GADL1: variants seen among roughly 807,000 people sequenced by gnomAD.
GADL1 encodes acidic amino acid decarboxylase GADL1.
A neutral mutation model predicts 69.5 loss-of-function variants in GADL1; 71 were observed. The ratio of observed to expected loss-of-function variants is 1.02; its 90% confidence interval spans 0.84 to 1.25. The LOEUF (loss-of-function observed/expected upper bound fraction) is 1.25, where lower values mean the gene tolerates loss of function less well. Ranked by LOEUF, GADL1 falls within the 50% of genes most tolerant of loss-of-function variation. The pLI, the probability that GADL1 is intolerant of heterozygous loss-of-function variation, is 0.00. For synonymous variants in GADL1, 254 were observed against 214.4 expected (o/e 1.18, Z -1.62); for missense variants, 737 against 631.8 (o/e 1.17, Z -1.79).
Position 30,749,222 on chromosome 3 carries a change from T to G in GADL1, c.1393-20807A>C, listed in dbSNP as rs565218779. On this transcript the variant is annotated intron_variant, in intron 14 of 14. Transcript: ENST00000282538. The stretch of plus-strand genomic sequence containing the variant: ...GATTCTATCCAGTCTTAAATGGAAA[T>G]AAATGCTGTGTTTGTATTGCTCAGC... Among the ~76,000 whole-genome samples, 5 of 151,946 alleles carry G rather than the reference T, an allele frequency of 3.3e-5. No individual in the cohort carries two copies. In the East Asian group the frequency reaches 5.8e-4, roughly 18 times the overall value.
At chr3:30,783,692 C>G (rs1407000475) in intron 13 of GADL1, among the ~76,000 whole-genome samples, 1 of 152,088 alleles carries the variant, frequency 6.6e-6, no homozygotes, top group Admixed American at 6.6e-5. Flanking sequence ...ATCCTTACAC[C>G]AGGAATTCTG....
intron 11 of GADL1, among the ~76,000 whole-genome samples, chr3:30,819,410 A>G (rs1356838185): frequency 6.6e-6 from 1 of 152,162 alleles, no homozygotes; most frequent in African/African-American, 2.4e-5. Flanking sequence ...AGTACAATAA[A>G]AAGAACCAGA....
At chr3:30,845,093 T>C (rs115803193) in intron 6 of GADL1, among the ~76,000 whole-genome samples, 67 of 152,300 alleles carry the variant, frequency 4.4e-4, no homozygotes, top group African/African-American at 1.5e-3. Flanking sequence ...TCTTGTTTAA[T>C]ACTGAACACA....
chr3:30,836,203 C>T (rs918745936), intron 9 of GADL1, among the ~76,000 whole-genome samples: 1 of 151,976 alleles, frequency 6.6e-6, no homozygotes, highest in African/African-American at 2.4e-5. Context: ...GCCTCATACC[C>T]TACACTTCTA....
intron 11 of GADL1, among the ~76,000 whole-genome samples, chr3:30,816,820 A>G (rs770209458): frequency 6.6e-6 from 1 of 152,024 alleles, no homozygotes; most frequent in Non-Finnish European, 1.5e-5. Flanking sequence ...TGCTGGGATT[A>G]TAGGCATGAG....
intron 1 of GADL1, among the ~76,000 whole-genome samples, chr3:30,890,353 G>A (rs1224343980): frequency 6.6e-6 from 1 of 152,122 alleles, no homozygotes; most frequent in African/African-American, 2.4e-5. Context: ...ATAGACAGAT[G>A]TGTTCCATAC....
chr3:30,741,943 C>T (rs77727384), intron 14 of GADL1, among the ~76,000 whole-genome samples: 1 of 152,058 alleles, frequency 6.6e-6, no homozygotes, highest in Admixed American at 6.6e-5. Context: ...CTGACTTTCC[C>T]AAGTTCAACT....
intron 1 of GADL1, among the ~76,000 whole-genome samples, chr3:30,886,422 C>G (rs1164923541): frequency 6.6e-6 from 1 of 152,088 alleles, no homozygotes; most frequent in Non-Finnish European, 1.5e-5. Context: ...AAGACCGTCC[C>G]CCATGAGTAA....
At chr3:30,856,941 T>A in intron 3 of GADL1, 74 bp downstream of exon 3, 2 of 1,275,538 alleles carry the variant, frequency 1.6e-6, no homozygotes, top group Admixed American at 2.1e-5. Flanking sequence ...ATTGCTATAC[T>A]CAGCTTTGAG....
intron 14 of GADL1, among the ~76,000 whole-genome samples, chr3:30,759,072 GT>G (rs79546906): frequency 2.0e-5 from 3 of 151,602 alleles, no homozygotes; most frequent in East Asian, 1.9e-4. Flanking sequence ...TTAAAAATCC[GT>G]TTTTTTTCCA....
intron 14 of GADL1, 133 bp from the exon 15 acceptor site, chr3:30,728,548 C>G: frequency 1.6e-6 from 1 of 633,908 alleles, no homozygotes; most frequent in African/African-American, 1.8e-5. Context: ...ACAAGGTTGA[C>G]ACTAATAATA....
At chr3:30,732,390 G>A (rs1695471841) in intron 14 of GADL1, among the ~76,000 whole-genome samples, 1 of 152,108 alleles carries the variant, frequency 6.6e-6, no homozygotes, top group Non-Finnish European at 1.5e-5. Flanking sequence ...ACTGGTCCCT[G>A]CATCTTAAGT....
At chr3:30,765,206 C>A in intron 14 of GADL1, among the ~76,000 whole-genome samples, 1 of 152,126 alleles carries the variant, frequency 6.6e-6, no homozygotes, top group East Asian at 1.9e-4. Context: ...CTGTCCTTAT[C>A]CCGAATTCCC....
intron 14 of GADL1, among the ~76,000 whole-genome samples, chr3:30,753,135 T>C (rs966950694): frequency 2.0e-5 from 3 of 152,210 alleles, no homozygotes; most frequent in Non-Finnish European, 2.9e-5. Flanking sequence ...TTATTTAGTC[T>C]GATTTCAATC....
At chr3:30,855,078 T>G (rs1402798341) in intron 3 of GADL1, among the ~76,000 whole-genome samples, 1 of 152,100 alleles carries the variant, frequency 6.6e-6, no homozygotes, top group Admixed American at 6.6e-5. Context: ...TGGCTCCATA[T>G]GCACAGCTAC....
At chr3:30,787,185 T>C (rs1224632866) in intron 12 of GADL1, among the ~76,000 whole-genome samples, 1 of 151,234 alleles carries the variant, frequency 6.6e-6, no homozygotes, top group Non-Finnish European at 1.5e-5. Flanking sequence ...CCCCAAAACT[T>C]AAAAAATACA....
At chr3:30,768,087 G>C (rs1472168753) in intron 14 of GADL1, among the ~76,000 whole-genome samples, 1 of 142,508 alleles carries the variant, frequency 7.0e-6, no homozygotes. Flanking sequence ...ATTGAAGCTT[G>C]TGTACTCATT....
chr3:30,753,606 A>AATT, intron 14 of GADL1, among the ~76,000 whole-genome samples: 1 of 101,806 alleles, frequency 9.8e-6, no homozygotes, highest in East Asian at 2.8e-4. Flanking sequence ...CTTAAAGATA[A>AATT]CTTGTTTTCT....
intron 14 of GADL1, among the ~76,000 whole-genome samples, chr3:30,757,591 C>CTT (rs1389355348): frequency 2.0e-5 from 3 of 152,122 alleles, no homozygotes; most frequent in African/African-American, 4.8e-5. Context: ...TGGATTTCTG[C>CTT]TTTAAGTTTG....
Sources: allele counts gnomAD v4.1 joint callset (sites outside exome capture counted in the v4.1 genomes callset), GRCh38; gene constraint gnomAD v4.1.1; transcripts MANE v1.5; gene names NCBI Gene and HGNC (gene_info 2026-07-23, HGNC 2026-07-21).